Variants in DNAJC19 observed in about 807,000 individuals in gnomAD.
DNAJC19 encodes the protein DnaJ heat shock protein family (Hsp40) member C19.
DNAJC19 carries 15 observed loss-of-function variants against 19.8 expected under a neutral mutation model. That is an observed-to-expected ratio of 0.76 (90% CI 0.51 to 1.17). The LOEUF is 1.17. Ranked by LOEUF, DNAJC19 falls within the 50% of genes most tolerant of loss-of-function variation. The pLI is 0.00. For missense variants in DNAJC19, 105 were observed against 140.9 expected, an observed-to-expected ratio of 0.75 and a Z score of 1.29; for synonymous variants, 38 against 42.1, an observed-to-expected ratio of 0.90 and a Z score of 0.38.
chr3:180,984,491 A>C lies in DNAJC19; in HGVS notation c.*149T>G. Reference sequence around the variant, plus strand: ...ACTATAATCTGATTTAAAATCCCCAAATTTAAACAAGAAAATTATACCAAG... The same window carrying C: ...ACTATAATCTGATTTAAAATCCCCACATTTAAACAAGAAAATTATACCAAG... On this transcript the variant is annotated 3_prime_UTR_variant, in exon 6 of 6. Coordinates refer to ENST00000382564, the MANE Select transcript of DNAJC19 (RefSeq NM_145261.4). 1.5e-6 allele frequency: 1 copy of C among 681,004 alleles called. No individual in the cohort carries two copies. The highest frequency in any genetic ancestry group is 2.7e-6 in the Non-Finnish European group (1 of 373,788). 42.2% of individuals were successfully genotyped at this position (681,004 alleles called of 1,614,324 possible).
At chr3:180,988,357 T>TTC in intron 1 of DNAJC19, 128 bp from the exon 2 acceptor site, 1 of 902,358 alleles carries the variant, frequency 1.1e-6, no homozygotes, top group Non-Finnish European at 1.6e-6. Flanking sequence ...TTTTTTCTTT[T>TTC]TTTTTTTTTT....
At chr3:180,986,526 C>G (rs750571486) in intron 4 of DNAJC19, 1 of 203,678 alleles carries the variant, frequency 4.9e-6, no homozygotes, top group Non-Finnish European at 1.0e-5. Context: ...AAGTAATCCA[C>G]TGGCCTTGGC....
In DNAJC19 at chr3:180,983,814, G is replaced by A; in HGVS notation, c.*826C>T. ...TTCAGTTTTCAGTTTTGCTAACAGG[G>A]TTTAAGCTTAATCATAACAATTGCA... On this transcript the variant is annotated 3_prime_UTR_variant, in exon 6 of 6. Transcript: ENST00000382564. The A allele has an allele frequency of 4.4e-6, 2 of 453,944 alleles. No homozygotes were observed. The highest frequency in any genetic ancestry group is 8.8e-6 in the Non-Finnish European group (2 of 226,742). 28.1% of individuals were successfully genotyped at this position (453,944 alleles called of 1,614,324 possible).
At chr3:180,985,116 C>A (rs1168337327) in intron 5 of DNAJC19, among the ~76,000 whole-genome samples, 2 of 152,030 alleles carry the variant, frequency 1.3e-5, no homozygotes, top group African/African-American at 4.8e-5. Context: ...GGCTTCTGAG[C>A]TGTTTACTGG....
Position 180,989,683 on chromosome 3 carries a change from T to A in DNAJC19, c.-81A>T. ...GGCCGCGGCCAACACCTGCACGCCT[T>A]TACCAGAGAGCGACGCAACCCCCAA... On this transcript the variant is annotated 5_prime_UTR_variant, in exon 1 of 6. Coordinates refer to ENST00000382564, the MANE Select transcript of DNAJC19 (RefSeq NM_145261.4). The A allele has an allele frequency of 6.4e-7, 1 of 1,554,310 alleles. No homozygotes were observed. Among genetic ancestry groups the A allele is most frequent in the East Asian group, 2.4e-5 (1 of 41,544 alleles).
intron 1 of DNAJC19, chr3:180,989,232 C>T: frequency 9.9e-7 from 1 of 1,013,912 alleles, no homozygotes; most frequent in Non-Finnish European, 1.3e-6. Context: ...AAGAGAAGGA[C>T]ATAGCAAAGT....
At chr3:180,987,857 G>T in intron 3 of DNAJC19, 166 bp downstream of exon 3, 1 of 786,500 alleles carries the variant, frequency 1.3e-6, no homozygotes. Flanking sequence ...GATGTTTCAG[G>T]GTAGCACCAT....
rs1197882293 is a variant in DNAJC19 at position 180,984,121 on chromosome 3, C to T, written c.*519G>A. The T allele has an allele frequency of 2.2e-6, 1 of 453,878 alleles. No homozygotes were observed. Among genetic ancestry groups the T allele is most frequent in the Non-Finnish European group, 4.4e-6 (1 of 226,760 alleles). 28.1% of individuals were successfully genotyped at this position (453,878 alleles called of 1,614,324 possible). On this transcript the variant is annotated 3_prime_UTR_variant, in exon 6 of 6. Coordinates refer to ENST00000382564, the MANE Select transcript of DNAJC19 (RefSeq NM_145261.4). ...TACACACACACACACACCCCTAGGT[C>T]AATTTCTTAGGTCTCAGTTGTGGTT...
intron 1 of DNAJC19, 105 bp from the exon 2 acceptor site, chr3:180,988,334 A>T: frequency 3.2e-5 from 34 of 1,076,164 alleles, no homozygotes; most frequent in Non-Finnish European, 3.9e-5. Flanking sequence ...TTTTAATAGG[A>T]GAAACAACTT....
At chr3:180,987,621 C>T (rs1714978439) in intron 3 of DNAJC19, 1 of 306,062 alleles carries the variant, frequency 3.3e-6, no homozygotes, top group Non-Finnish European at 6.3e-6. Context: ...GCCTAATTAA[C>T]TAGAGTGCTA....
At chr3:180,989,502 A>T (rs1039241486) in intron 1 of DNAJC19, 98 bp downstream of exon 1, 2 of 1,549,524 alleles carry the variant, frequency 1.3e-6, no homozygotes, top group African/African-American at 2.7e-5. Context: ...CCGCAGTCGC[A>T]CTAAGGAGCA....
At chr3:180,987,909 G>A in intron 3 of DNAJC19, 114 bp downstream of exon 3, 1 of 1,268,512 alleles carries the variant, frequency 7.9e-7, no homozygotes, top group Non-Finnish European at 1.1e-6. Flanking sequence ...CAGGAAGCAG[G>A]AGAATGGGTC....
At chr3:180,987,533 C>G (rs1714973364) in intron 3 of DNAJC19, 1 of 254,796 alleles carries the variant, frequency 3.9e-6, no homozygotes. Flanking sequence ...ACAACATATT[C>G]AACAGGTGAT....
intron 5 of DNAJC19, 153 bp downstream of exon 5, chr3:180,985,773 T>A: frequency 1.5e-6 from 1 of 681,888 alleles, no homozygotes; most frequent in South Asian, 1.7e-5. Flanking sequence ...TAATTTCTTT[T>A]AAGACACCAA....
rs1225802197 is a variant in DNAJC19 at position 180,983,740 on chromosome 3, T to C, written c.*900A>G. 2.3e-6 allele frequency: 1 copy of C among 438,280 alleles called. No homozygotes were observed. Among genetic ancestry groups the C allele is most frequent in the African/African-American group, 2.0e-5 (1 of 49,186 alleles). The allele number at this position is 438,280 out of a possible 1,614,324, so 27.1% of individuals were successfully genotyped here. A position where few individuals can be genotyped will look rare whatever the true frequency, so the allele number is the denominator to read the frequency against. ...TTTAAACATCATTTAAATTTATTAG[T>C]GTATAAATTCTAAAGAGTCCAAATT... On this transcript the variant is annotated 3_prime_UTR_variant, in exon 6 of 6. Coordinates refer to ENST00000382564, the MANE Select transcript of DNAJC19 (RefSeq NM_145261.4).
chr3:180,985,295 A>C (rs992935296), intron 5 of DNAJC19: 2 of 153,838 alleles, frequency 1.3e-5, no homozygotes, highest in African/African-American at 4.8e-5. Flanking sequence ...ATTTAGTATA[A>C]ATGCATATTT....
At chr3:180,985,610 C>T (rs536630369) in intron 5 of DNAJC19, 16 of 287,934 alleles carry the variant, frequency 5.6e-5, no homozygotes, top group Middle Eastern at 1.2e-3. Context: ...AGGTAATCTC[C>T]GTTTCAAGGT....
At chr3:180,985,746 T>A (rs1458657223) in intron 5 of DNAJC19, 180 bp downstream of exon 5, 22 of 613,958 alleles carry the variant, frequency 3.6e-5, no homozygotes, top group Non-Finnish European at 5.2e-5. Flanking sequence ...GCTCATTCTG[T>A]AAGTAAAGTT....
intron 4 of DNAJC19, among the ~76,000 whole-genome samples, 199 bp from the exon 5 acceptor site, chr3:180,986,195 A>T (rs1560039388): frequency 6.6e-6 from 1 of 152,140 alleles, no homozygotes. Context: ...ACTCTCAAAA[A>T]TGTGTTGAAC....
Sources: allele counts gnomAD v4.1 joint callset (sites outside exome capture counted in the v4.1 genomes callset), GRCh38; gene constraint gnomAD v4.1.1; transcripts MANE v1.5; gene names NCBI Gene and HGNC (gene_info 2026-07-23, HGNC 2026-07-21).